Variants in BCL11A observed in about 807,000 individuals in gnomAD.
The protein encoded by BCL11A is B cell CLL/lymphoma 11A.
Under a neutral mutation model 55.9 loss-of-function variants are expected in BCL11A, and 2 were observed. The observed-to-expected ratio is 0.04, with a 90% CI of 0.01 to 0.11. The LOEUF is 0.11. BCL11A is among the 10% of genes least tolerant of loss of function. The probability of loss-of-function intolerance (pLI) is 1.00; values close to 1 mark genes in which losing one functional copy is unlikely to be tolerated. For synonymous variants in BCL11A, 465 were observed against 473.4 expected (o/e 0.98, Z 0.23); for missense variants, 817 against 1,137.1 (o/e 0.72, Z 4.05).
At chr2:60,467,138 TTGGTGGTGATGGTGGTGGTGG>T (rs1237797348) in intron 3 of BCL11A, among the ~76,000 whole-genome samples, 390 of 61,806 alleles carry the variant, frequency 6.3e-3, no homozygotes, top group Middle Eastern at 0.017. Flanking sequence ...GATGGTGGTG[TTGGTGGTGATGGTGGTGGTGG>T]TGGTGGTGAT....
Position 60,546,218 on chromosome 2 carries a change from G to A in BCL11A, c.138C>T (p.Leu46=). The A allele has an allele frequency of 6.2e-7, 1 of 1,614,236 alleles. No homozygotes were observed. The highest frequency in any genetic ancestry group is 8.5e-7 in the Non-Finnish European group (1 of 1,180,038). ...LGAPEGDHDL[L]TCGQCQMNFP... is the part of the protein sequence containing the mutation. ...AGTTCATCTGGCACTGCCCACAGGTGAGGAGGTCATGATCCCCTTCTGGAG... is the reference window on the plus strand; with the variant it reads ...AGTTCATCTGGCACTGCCCACAGGTAAGGAGGTCATGATCCCCTTCTGGAG... The change falls in exon 2 of 4, where the codon CTC becomes CTT. Residue 46 remains leucine, a synonymous_variant. Transcript: ENST00000642384. This position sits in a 1 kb window ranked among gnomAD's most constrained non-coding sequence, Gnocchi z 4.1.
rs1432244779 is a variant in BCL11A, at chr2:60,460,723, G to A, written c.2189C>T (p.Pro730Leu). 2 of 1,614,118 alleles carry A rather than the reference G, an allele frequency of 1.2e-6. No homozygotes were observed. The highest frequency in any genetic ancestry group is 2.2e-5 in the South Asian group (2 of 91,090). ...GCCCTCTTTTGAGCTGGGCCTGCCC[G>A]GGCCCGGACCACTAATATGGGGCGT... is the stretch of plus-strand genomic sequence containing the variant. ...GSTPHISGPGPGRPSSKEGRR... is the reference protein window; with the variant it reads ...GSTPHISGPGLGRPSSKEGRR... The change falls in exon 4 of 4, where the codon CCG (proline) becomes CTG (leucine). Residue 730 changes from proline (P) to leucine (L), a missense_variant. This residue lies in a region of BCL11A where 379 missense variants were observed against 425.3 expected (regional missense o/e 0.89). Transcript: ENST00000642384.
At chr2:60,531,360 T>C (rs577591577) in intron 2 of BCL11A, among the ~76,000 whole-genome samples, 44 of 152,332 alleles carry the variant, frequency 2.9e-4, no homozygotes, top group African/African-American at 1.0e-3. Context: ...TGCAAGAATA[T>C]TTTAAGTGAG....
intron 3 of BCL11A, among the ~76,000 whole-genome samples, chr2:60,466,093 C>T (rs1371370916): frequency 6.6e-6 from 1 of 152,218 alleles, no homozygotes; most frequent in Non-Finnish European, 1.5e-5. Flanking sequence ...TCTGGTCACT[C>T]CTAAATTGGT....
chr2:60,467,138 TTGGTGGTGATGGTGGTGG>T (rs1676690027), intron 3 of BCL11A, among the ~76,000 whole-genome samples: 31 of 61,820 alleles, frequency 5.0e-4, no homozygotes, highest in East Asian at 5.1e-4. Flanking sequence ...GATGGTGGTG[TTGGTGGTGATGGTGGTGG>T]TGGTGGTGGT....
At chr2:60,482,242 A>C (rs1047822666) in intron 2 of BCL11A, among the ~76,000 whole-genome samples, 1 of 152,146 alleles carries the variant, frequency 6.6e-6, no homozygotes, top group African/African-American at 2.4e-5. Flanking sequence ...CATTAAAAAA[A>C]AAAATTGGAG....
intron 1 of BCL11A, among the ~76,000 whole-genome samples, chr2:60,552,048 C>G (rs892095108): frequency 6.6e-6 from 1 of 151,752 alleles, no homozygotes; most frequent in Non-Finnish European, 1.5e-5. Flanking sequence ...CTCTCCGTGC[C>G]GTCGGCGCCC....
chr2:60,477,360 A>G (rs1192413329), intron 2 of BCL11A, among the ~76,000 whole-genome samples: 3 of 152,222 alleles, frequency 2.0e-5, no homozygotes, highest in African/African-American at 4.8e-5. Context: ...TTTTATCTGC[A>G]TCAACTCACA....
chr2:60,544,916 G>A (rs1670080183), intron 2 of BCL11A: 1 of 152,224 alleles, frequency 6.6e-6, no homozygotes, highest in South Asian at 2.1e-4. Flanking sequence ...GGGAATTTAA[G>A]TCCCACTGCT....
chr2:60,525,648 AT>A (rs1378997521), intron 2 of BCL11A: 2 of 152,180 alleles, frequency 1.3e-5, no homozygotes, highest in Non-Finnish European at 2.9e-5. Flanking sequence ...CAAACTATCT[AT>A]TTTACCTACT....
At chr2:60,528,818 C>G (rs1351387365) in intron 2 of BCL11A, among the ~76,000 whole-genome samples, 1 of 152,222 alleles carries the variant, frequency 6.6e-6, no homozygotes, top group Non-Finnish European at 1.5e-5. Context: ...GTAATAATGA[C>G]AACAGCAATT....
intron 2 of BCL11A, chr2:60,525,564 T>C (rs1197449852): frequency 6.6e-6 from 1 of 151,862 alleles, no homozygotes; most frequent in Non-Finnish European, 1.5e-5. Context: ...TTCCAAAAAA[T>C]AGCAGGGAGA....
At chr2:60,490,743 AT>A in intron 2 of BCL11A, among the ~76,000 whole-genome samples, 1 of 152,204 alleles carries the variant, frequency 6.6e-6, no homozygotes, top group East Asian at 1.9e-4. Flanking sequence ...TGCTTCTATT[AT>A]ATTTGAAAGT....
At chr2:60,477,220 T>C (rs1267934437) in intron 2 of BCL11A, among the ~76,000 whole-genome samples, 2 of 152,180 alleles carry the variant, frequency 1.3e-5, no homozygotes, top group African/African-American at 2.4e-5. Flanking sequence ...GCTGTGAAGA[T>C]GGATGCGATG....
chr2:60,451,477 T>C (rs1476451188), exon 5 of BCL11A: 1 of 230,994 alleles, frequency 4.3e-6, no homozygotes, highest in East Asian at 6.2e-5. Context: ...TTTGTAGATG[T>C]AACTTATTTG....
rs1270497708 is a variant in BCL11A at position 60,489,207 on chromosome 2, A to T, written c.386-20374T>A. Among the ~76,000 whole-genome samples, 5 of 152,360 alleles carry T rather than the reference A, an allele frequency of 3.3e-5. No homozygotes were observed. The East Asian group carries it at 9.6e-4, about 29-fold the overall frequency. ...AAATAAAGTGGAAACACCTAACTAAATTCACACTGTGAGAGCCAGTCAACA... is the reference window on the plus strand; with the variant it reads ...AAATAAAGTGGAAACACCTAACTAATTTCACACTGTGAGAGCCAGTCAACA... On this transcript the variant is annotated intron_variant, in intron 2 of 3. Transcript: ENST00000642384.
intron 2 of BCL11A, among the ~76,000 whole-genome samples, chr2:60,481,625 A>G (rs925693641): frequency 2.0e-5 from 3 of 152,046 alleles, no homozygotes; most frequent in African/African-American, 7.3e-5. Flanking sequence ...CTCCATTTCC[A>G]TGGCTCGTGA....
At chr2:60,523,551 A>ATACATATG in intron 2 of BCL11A, among the ~76,000 whole-genome samples, 1 of 152,246 alleles carries the variant, frequency 6.6e-6, no homozygotes, top group Non-Finnish European at 1.5e-5. Context: ...ATACATGCAT[A>ATACATATG]TACGTATGTA....
chr2:60,485,108 T>A (rs1678196713), intron 2 of BCL11A, among the ~76,000 whole-genome samples: 1 of 152,216 alleles, frequency 6.6e-6, no homozygotes, highest in Non-Finnish European at 1.5e-5. Flanking sequence ...AGCCACAATT[T>A]CGCAAGTTGA....
Sources: gnomAD v4.1 joint callset for allele counts (sites outside exome capture counted in the v4.1 genomes callset) on GRCh38, gnomAD v4.1.1 for gene constraint, gnomAD v4.1.1 regional missense constraint, Gnocchi (gnomAD v3.1) non-coding constraint, MANE v1.5 for transcripts, NCBI Gene and HGNC (gene_info 2026-07-23, HGNC 2026-07-21) for gene names.